Variants in ADAMTS3 observed in about 807,000 individuals in gnomAD.
ADAMTS3 encodes ADAM metallopeptidase with thrombospondin type 1 motif 3, also known as A disintegrin and metalloproteinase with thrombospondin motifs 3.
ADAMTS3 carries 73 observed loss-of-function variants against 129.0 expected under a neutral mutation model. The ratio of observed to expected loss-of-function variants is 0.57; its 90% CI spans 0.47 to 0.69. The LOEUF (loss-of-function observed/expected upper bound fraction) is 0.69. Ranked by LOEUF, ADAMTS3 falls within the 30% of genes least tolerant of loss-of-function variation. The pLI, the probability that ADAMTS3 is intolerant of heterozygous loss-of-function variation, is 0.00. For missense variants in ADAMTS3, 1,457 were observed against 1,514.5 expected, an observed-to-expected ratio of 0.96 and a Z score of 0.63; for synonymous variants, 477 against 510.8, an observed-to-expected ratio of 0.93 and a Z score of 0.89.
chr4:72,451,962 CA>C, intron 3 of ADAMTS3, among the ~76,000 whole-genome samples: 1 of 151,708 alleles, frequency 6.6e-6, no homozygotes, highest in Non-Finnish European at 1.5e-5. Flanking sequence ...TGGTGGTGGA[CA>C]CCTGTAATCC....
At chr4:72,559,629 GT>G (rs138831419) in intron 2 of ADAMTS3, among the ~76,000 whole-genome samples, 2 of 151,362 alleles carry the variant, frequency 1.3e-5, no homozygotes, top group African/African-American at 4.9e-5. Flanking sequence ...TTGAGTAAAA[GT>G]TTTTTTAAAA....
chr4:72,417,931 T>TTAAAAAAAAAAAAAAAAAA lies in ADAMTS3; in HGVS notation c.505-2961_505-2960insTTTTTTTTTTTTTTTTTTA, dbSNP rs76545577. Among the ~76,000 whole-genome samples, 124 of 100,622 alleles carry TTAAAAAAAAAAAAAAAAAA rather than the reference T, an allele frequency of 1.2e-3. 20 individuals carry two copies. Among genetic ancestry groups the TTAAAAAAAAAAAAAAAAAA allele is most frequent in the African/African-American group, 4.1e-3 (109 of 26,768 alleles). The allele number at this position is 100,622 out of a possible 152,430, so 66.0% of individuals were successfully genotyped here. A position where few individuals can be genotyped will look rare whatever the true frequency, so the allele number is the denominator to read the frequency against. ...CTGGGCGACAGAGGGAGACTCCATC[T>TTAAAAAAAAAAAAAAAAAA]CAAAAAAAAAAAAGTAAGTACTTTA... On this transcript the variant is annotated intron_variant, in intron 3 of 21. Coordinates refer to ENST00000286657, the MANE Select transcript of ADAMTS3 (RefSeq NM_014243.3).
intron 5 of ADAMTS3, chr4:72,330,415 T>C (rs891864774): frequency 6.6e-6 from 1 of 152,230 alleles, no homozygotes; most frequent in Non-Finnish European, 1.5e-5. Context: ...TTTGGAAGTA[T>C]ACCTGGATAC....
At chr4:72,531,023 C>G (rs1378738901) in intron 3 of ADAMTS3, among the ~76,000 whole-genome samples, 4 of 150,828 alleles carry the variant, frequency 2.7e-5, no homozygotes, top group Non-Finnish European at 4.4e-5. Flanking sequence ...AACATTTTAT[C>G]AAACTTAGAA....
intron 4 of ADAMTS3, among the ~76,000 whole-genome samples, chr4:72,411,447 T>C (rs1157520225): frequency 6.6e-6 from 1 of 152,220 alleles, no homozygotes; most frequent in East Asian, 1.9e-4. Flanking sequence ...ATATCTTTCA[T>C]AGGCTCCCAA....
At chr4:72,395,327 T>C (rs1424690336) in intron 4 of ADAMTS3, among the ~76,000 whole-genome samples, 1 of 152,094 alleles carries the variant, frequency 6.6e-6, no homozygotes, top group East Asian at 1.9e-4. Flanking sequence ...AACTCAAATA[T>C]GGACATATTC....
chr4:72,530,636 TATATTATATATA>T (rs1326285978), intron 3 of ADAMTS3, among the ~76,000 whole-genome samples: 2 of 83,268 alleles, frequency 2.4e-5, no homozygotes, highest in East Asian at 3.8e-4. Flanking sequence ...TATTATATAA[TATATTATATATA>T]ATATTATATA....
At chr4:72,515,933 C>G (rs1085955) in intron 3 of ADAMTS3, among the ~76,000 whole-genome samples, 99,231 of 152,078 alleles carry the variant, frequency 0.65, 33,009 homozygotes, top group African/African-American at 0.79. Context: ...CTGAATGGTA[C>G]TGCCTAGGTT....
At chr4:72,559,863 CA>C (rs1560567790) in intron 2 of ADAMTS3, among the ~76,000 whole-genome samples, 1 of 151,404 alleles carries the variant, frequency 6.6e-6, no homozygotes, top group Non-Finnish European at 1.5e-5. Context: ...CATATGGAAC[CA>C]AAAAAGAGCT....
rs369917822 is a variant in ADAMTS3 at position 72,550,113 on chromosome 4, A to G, written c.98-1229T>C. Among the ~76,000 whole-genome samples, 8 of 139,956 alleles carry G rather than the reference A, an allele frequency of 5.7e-5. 1 individual carries two copies. The highest frequency in any genetic ancestry group is 1.9e-4 in the African/African-American group (7 of 37,244). The allele number at this position is 139,956 out of a possible 152,430, so 91.8% of individuals were successfully genotyped here. On this transcript the variant is annotated intron_variant, in intron 2 of 21. Transcript: ENST00000286657. ...GAAGAAGAAGAAGAAGAAGAAGAAG[A>G]AGAAGGCATAGAAAGGGAAATCTAA...
chr4:72,508,152 G>A (rs1720212916), intron 3 of ADAMTS3, among the ~76,000 whole-genome samples: 1 of 152,118 alleles, frequency 6.6e-6, no homozygotes, highest in Non-Finnish European at 1.5e-5. Context: ...AGTCATTAAA[G>A]TAAAACATAG....
At chr4:72,534,120 G>A (rs1303386812) in intron 3 of ADAMTS3, among the ~76,000 whole-genome samples, 2 of 152,148 alleles carry the variant, frequency 1.3e-5, no homozygotes, top group Non-Finnish European at 2.9e-5. Context: ...GAGGTCGAGA[G>A]ATCGAGACCA....
chr4:72,411,284 T>C (rs1379074598), intron 4 of ADAMTS3, among the ~76,000 whole-genome samples: 1 of 152,076 alleles, frequency 6.6e-6, no homozygotes, highest in East Asian at 1.9e-4. Flanking sequence ...CTCAGCTGAA[T>C]ATTCTTAGGT....
At chr4:72,458,534 A>T (rs1718684333) in intron 3 of ADAMTS3, among the ~76,000 whole-genome samples, 1 of 151,598 alleles carries the variant, frequency 6.6e-6, no homozygotes, top group Non-Finnish European at 1.5e-5. Flanking sequence ...AGGTTTTAAG[A>T]ATAGGGATGT....
intron 3 of ADAMTS3, among the ~76,000 whole-genome samples, chr4:72,474,473 TA>T (rs1300822437): frequency 1.3e-5 from 2 of 151,344 alleles, no homozygotes; most frequent in Admixed American, 6.6e-5. Flanking sequence ...AAAGAATCAG[TA>T]AACTGGAAAG....
rs1719171486 is a variant in ADAMTS3 at position 72,309,422 on chromosome 4, T to C, written c.2154A>G (p.Thr718=). 1 of 1,612,074 alleles carries C rather than the reference T, an allele frequency of 6.2e-7. No individual in the cohort carries two copies. The highest frequency in any genetic ancestry group is 8.5e-7 in the Non-Finnish European group (1 of 1,178,564). The change falls in exon 15 of 22, where the codon ACA becomes ACG. Residue 718 remains threonine, a synonymous_variant. Transcript: ENST00000286657. ...DNSHCRTVKG[T]FTRTPRKLGY... The stretch of plus-strand genomic sequence containing the variant: ...CAAGCTTCCTGGGAGTTCTGGTAAA[T>C]GTCCCCTTCACGGTTCGGCAGTGGG...
intron 4 of ADAMTS3, among the ~76,000 whole-genome samples, chr4:72,402,715 G>A (rs1283033042): frequency 1.3e-5 from 2 of 152,062 alleles, no homozygotes; most frequent in South Asian, 4.1e-4. Flanking sequence ...AAAACTAGCT[G>A]AAGAGATCAG....
Position 72,328,752 on chromosome 4 carries a change from C to T in ADAMTS3, c.862-5655G>A, listed in dbSNP as rs143533164. Among the ~76,000 whole-genome samples, 459 of 152,198 alleles carry T rather than the reference C, an allele frequency of 3.0e-3. 1 individual carries two copies. The highest frequency in any genetic ancestry group is 0.011 in the African/African-American group (441 of 41,520). On this transcript the variant is annotated intron_variant, in intron 5 of 21. Coordinates refer to ENST00000286657, the MANE Select transcript of ADAMTS3 (RefSeq NM_014243.3). ...TTCATATAGAAGCAAATAAACACCA[C>T]ATATATACAAAATTTTTTTAAAGAG...
At position 72,318,684 on chromosome 4, in the gene ADAMTS3, T is replaced by C; in HGVS notation, c.1373A>G (p.Asp458Gly). 6.2e-7 allele frequency: 1 copy of C among 1,613,738 alleles called. No homozygotes were observed. The highest frequency in any genetic ancestry group is 8.5e-7 in the Non-Finnish European group (1 of 1,179,804). ...RYIHSYDCLL[D>G]DPFDHDWPKL... is the part of the protein sequence containing the mutation. ...AGGCCAATCATGATCAAAAGGGTCA[T>C]CAAGGAGACAGTCATAGGAACTGTA... is the stretch of plus-strand genomic sequence containing the variant. The change falls in exon 10 of 22, where the codon GAT (aspartate) becomes GGT (glycine). Residue 458 changes from aspartate (D) to glycine (G), a missense_variant. Transcript: ENST00000286657.
Sources: allele counts gnomAD v4.1 joint callset (sites outside exome capture counted in the v4.1 genomes callset), GRCh38; gene constraint gnomAD v4.1.1; transcripts MANE v1.5; gene names NCBI Gene and HGNC (gene_info 2026-07-23, HGNC 2026-07-21).